TTC27: variants seen among roughly 807,000 people sequenced by gnomAD.
TTC27 encodes tetratricopeptide repeat protein 27.
Under a neutral mutation model 115.9 loss-of-function variants are expected in TTC27, and 79 were observed. The ratio of observed to expected loss-of-function variants is 0.68; its 90% confidence interval spans 0.57 to 0.82. TTC27 has a LOEUF of 0.82. Ranked by LOEUF, TTC27 falls within the 40% of genes least tolerant of loss-of-function variation. The probability of loss-of-function intolerance (pLI) is 0.00; values close to 1 mark genes in which losing one functional copy is unlikely to be tolerated. For missense variants in TTC27, 1,054 were observed against 993.1 expected (o/e 1.06, Z -0.82); for synonymous variants, 401 against 356.0 (o/e 1.13, Z -1.42).
Position 32,777,122 on chromosome 2 carries a change from A to T in TTC27, c.1681-760A>T, listed in dbSNP as rs117894761. ...CAGATTCTGAACCTCCTTTTTCTAA[A>T]TTAATTTCAGGCATGCCTAAAGCAG... On this transcript the variant is annotated intron_variant, in intron 13 of 19. Transcript: ENST00000317907. 8.2e-4 allele frequency among the ~76,000 whole-genome samples: 125 copies of T among 152,304 alleles called. No individual in the cohort carries two copies. The East Asian group carries it at 0.022, about 27-fold the overall frequency.
intron 12 of TTC27, among the ~76,000 whole-genome samples, chr2:32,748,146 A>G (rs1668891359): frequency 6.6e-6 from 1 of 151,604 alleles, no homozygotes; most frequent in Non-Finnish European, 1.5e-5. Flanking sequence ...GTTTCAGCAT[A>G]TTTTGGTTTT....
intron 14 of TTC27, among the ~76,000 whole-genome samples, chr2:32,779,285 T>G (rs1670097613): frequency 6.6e-6 from 1 of 152,078 alleles, no homozygotes; most frequent in Admixed American, 6.6e-5. Flanking sequence ...GTATGAGGGT[T>G]CCAGTTTCTC....
At chr2:32,656,910 A>G (rs371018945) in intron 5 of TTC27, among the ~76,000 whole-genome samples, 5 of 151,910 alleles carry the variant, frequency 3.3e-5, no homozygotes, top group South Asian at 2.1e-4. Context: ...CTTCTTAGCT[A>G]CCTAGCTCTT....
intron 9 of TTC27, among the ~76,000 whole-genome samples, chr2:32,682,613 A>G (rs1666468830): frequency 6.6e-6 from 1 of 150,904 alleles, no homozygotes. Context: ...GTTGTGAACT[A>G]TTGAGGCTAC....
At chr2:32,654,556 G>C (rs1221056962) in intron 5 of TTC27, among the ~76,000 whole-genome samples, 4 of 151,904 alleles carry the variant, frequency 2.6e-5, no homozygotes, top group African/African-American at 7.2e-5. Flanking sequence ...TTTGAGGCAG[G>C]GTCTTGCTCT....
At chr2:32,659,846 C>A (rs1279250926) in intron 5 of TTC27, among the ~76,000 whole-genome samples, 1 of 152,150 alleles carries the variant, frequency 6.6e-6, no homozygotes, top group Non-Finnish European at 1.5e-5. Flanking sequence ...GACATGAACT[C>A]ATCCTTTTTT....
chr2:32,647,964 A>G (rs1664928223), intron 4 of TTC27, among the ~76,000 whole-genome samples: 2 of 152,216 alleles, frequency 1.3e-5, no homozygotes, highest in African/African-American at 2.4e-5. Flanking sequence ...ATAATTTATA[A>G]TGAGCTTATC....
intron 7 of TTC27, among the ~76,000 whole-genome samples, chr2:32,667,325 G>C (rs1665818233): frequency 6.6e-6 from 1 of 150,680 alleles, no homozygotes; most frequent in Non-Finnish European, 1.5e-5. Context: ...CTCTTGGTCA[G>C]TTTACCTAAT....
intron 13 of TTC27, among the ~76,000 whole-genome samples, chr2:32,774,850 G>A (rs959913146): frequency 6.6e-6 from 1 of 152,170 alleles, no homozygotes; most frequent in African/African-American, 2.4e-5. Context: ...CCTTCTTGTT[G>A]TCAGTAGATA....
chr2:32,679,524 A>T (rs1666343972), intron 9 of TTC27, among the ~76,000 whole-genome samples: 1 of 152,224 alleles, frequency 6.6e-6, no homozygotes, highest in Non-Finnish European at 1.5e-5. Context: ...TTTTGGCTTT[A>T]TGGAGAAAGG....
At position 32,731,683 on chromosome 2, in the gene TTC27, T is replaced by C. The variant is rs1210298677; in HGVS notation, c.1234-2145T>C. Among the ~76,000 whole-genome samples, 3 of 149,216 alleles carry C rather than the reference T, an allele frequency of 2.0e-5. 1 individual carries two copies. The East Asian group carries it at 5.8e-4, about 29-fold the overall frequency. The stretch of plus-strand genomic sequence containing the variant: ...CCAACCTAGAGTTCTGTTTTTGATC[T>C]TTATCATGCATATGGCTTAATCAGG... On this transcript the variant is annotated intron_variant, in intron 10 of 19. Coordinates refer to ENST00000317907, the MANE Select transcript of TTC27 (RefSeq NM_017735.5).
intron 12 of TTC27, among the ~76,000 whole-genome samples, chr2:32,738,732 T>A (rs1341783316): frequency 6.6e-6 from 1 of 152,222 alleles, no homozygotes; most frequent in Non-Finnish European, 1.5e-5. Flanking sequence ...AAATGAAAAT[T>A]TAGTATTACT....
chr2:32,671,054 A>C (rs773177955), intron 7 of TTC27, among the ~76,000 whole-genome samples: 2 of 152,156 alleles, frequency 1.3e-5, no homozygotes, highest in Non-Finnish European at 2.9e-5. Flanking sequence ...TTTTTGTCTT[A>C]ACAATGTTTT....
intron 4 of TTC27, among the ~76,000 whole-genome samples, chr2:32,648,214 G>A (rs1322363012): frequency 1.3e-5 from 2 of 151,806 alleles, no homozygotes; most frequent in East Asian, 1.9e-4. Context: ...TGCAACCTCC[G>A]CCTCCTGGGT....
At chr2:32,707,563 T>C (rs1279683401) in intron 10 of TTC27, among the ~76,000 whole-genome samples, 1 of 152,202 alleles carries the variant, frequency 6.6e-6, no homozygotes, top group African/African-American at 2.4e-5. Context: ...CTTTTTGTTA[T>C]AGCAGTTTAG....
rs528689996 is a variant in TTC27, at chr2:32,749,611, A to G, written c.1453-8681A>G. On this transcript the variant is annotated intron_variant, in intron 12 of 19. Transcript: ENST00000317907. Reference sequence around the variant, plus strand: ...CAGTTTTCTGGTTATTTTGTAGTGGAGGGAATTTTCAGATGTTCTTATACC... The same window carrying G: ...CAGTTTTCTGGTTATTTTGTAGTGGGGGGAATTTTCAGATGTTCTTATACC... Among the ~76,000 whole-genome samples the G allele has an allele frequency of 2.2e-4, 33 of 152,280 alleles. No individual in the cohort carries two copies. In the South Asian group the frequency reaches 6.6e-3, roughly 31 times the overall value.
intron 8 of TTC27, among the ~76,000 whole-genome samples, chr2:32,674,558 CAGTTCTACAGTTCCT>C (rs1666128485): frequency 1.3e-5 from 2 of 152,158 alleles, no homozygotes; most frequent in Non-Finnish European, 2.9e-5. Flanking sequence ...AAGTTGAATT[CAGTTCTACAGTTCCT>C]TTTTATTTTA....
At chr2:32,676,724 C>A (rs942834579) in intron 8 of TTC27, among the ~76,000 whole-genome samples, 1 of 151,874 alleles carries the variant, frequency 6.6e-6, no homozygotes, top group Non-Finnish European at 1.5e-5. Context: ...CTCCTAACCT[C>A]GTGATCCACC....
intron 16 of TTC27, among the ~76,000 whole-genome samples, chr2:32,802,467 G>C (rs1188333801): frequency 6.6e-6 from 1 of 152,002 alleles, no homozygotes; most frequent in African/African-American, 2.4e-5. Context: ...AATCCGTCAA[G>C]ACAGGAGTCT....
Sources: gnomAD v4.1 joint callset for allele counts (sites outside exome capture counted in the v4.1 genomes callset) on GRCh38, gnomAD v4.1.1 for gene constraint, MANE v1.5 for transcripts, NCBI Gene and HGNC (gene_info 2026-07-23, HGNC 2026-07-21) for gene names.